Variants in GRB14 observed in about 807,000 individuals in gnomAD.
GRB14 encodes the protein growth factor receptor bound protein 14.
A neutral mutation model predicts 69.1 loss-of-function variants in GRB14; 38 were observed. The observed-to-expected ratio is 0.55, with a 90% CI of 0.42 to 0.72. The LOEUF (loss-of-function observed/expected upper bound fraction) is 0.72, where lower values mean the gene tolerates loss of function less well. Ranked by LOEUF, GRB14 falls within the 30% of genes least tolerant of loss-of-function variation. The pLI is 0.00. For missense variants in GRB14, 666 were observed against 666.1 expected (o/e 1.00, Z 0.00); for synonymous variants, 247 against 241.3 (o/e 1.02, Z -0.22).
At chr2:164,575,633 G>A (rs1322617314) in intron 2 of GRB14, among the ~76,000 whole-genome samples, 1 of 152,060 alleles carries the variant, frequency 6.6e-6, no homozygotes, top group East Asian at 1.9e-4. Context: ...AATCATAGGA[G>A]AATTCTAAGT....
chr2:164,518,117 G>T (rs183757801), intron 6 of GRB14, among the ~76,000 whole-genome samples: 2 of 151,984 alleles, frequency 1.3e-5, no homozygotes, highest in African/African-American at 4.8e-5. Context: ...CATATGATAC[G>T]CCACAAAACA....
At position 164,526,987 on chromosome 2, in the gene GRB14, G is replaced by A. The variant is rs117195547; in HGVS notation, c.603+27C>T. On this transcript the variant is annotated intron_variant, in intron 4 of 13. Coordinates refer to ENST00000263915, the MANE Select transcript of GRB14 (RefSeq NM_004490.3). ...AATTTAACGGGTTCATTTATTTTCC[G>A]TAACTATTAGGAGGGATTTCACTTA... is the stretch of plus-strand genomic sequence containing the variant. 72 of 1,497,150 alleles carry A rather than the reference G, an allele frequency of 4.8e-5. No individual in the cohort carries two copies. The East Asian group carries it at 1.4e-3, about 28-fold the overall frequency. The allele number at this position is 1,497,150 out of a possible 1,614,324, so 92.7% of individuals were successfully genotyped here. A position where few individuals can be genotyped will look rare whatever the true frequency, so the allele number is the denominator to read the frequency against.
chr2:164,557,491 A>G (rs1014537864), intron 2 of GRB14, among the ~76,000 whole-genome samples: 1 of 152,248 alleles, frequency 6.6e-6, no homozygotes, highest in Non-Finnish European at 1.5e-5. Flanking sequence ...TGGTAAGAGA[A>G]TCAGGATAAA....
chr2:164,600,596 TAG>T (rs1329639775), intron 2 of GRB14, among the ~76,000 whole-genome samples: 3 of 152,124 alleles, frequency 2.0e-5, no homozygotes, highest in Non-Finnish European at 4.4e-5. Flanking sequence ...CCTATGGAAA[TAG>T]AGTGTCCAAG....
chr2:164,559,690 G>T (rs1233964719), intron 2 of GRB14, among the ~76,000 whole-genome samples: 1 of 152,138 alleles, frequency 6.6e-6, no homozygotes, highest in Non-Finnish European at 1.5e-5. Context: ...CTCGTTGACT[G>T]ATGGGCATTT....
At chr2:164,561,916 T>C (rs903838241) in intron 2 of GRB14, among the ~76,000 whole-genome samples, 2 of 152,124 alleles carry the variant, frequency 1.3e-5, no homozygotes, top group African/African-American at 4.8e-5. Flanking sequence ...ATAAAGGTAA[T>C]GAAAAGGCCT....
At chr2:164,499,218 T>A (rs1186620389) in intron 9 of GRB14, among the ~76,000 whole-genome samples, 1 of 152,026 alleles carries the variant, frequency 6.6e-6, no homozygotes, top group Non-Finnish European at 1.5e-5. Flanking sequence ...AAGAAAAAAA[T>A]AATCAGCTGT....
intron 2 of GRB14, among the ~76,000 whole-genome samples, chr2:164,610,256 G>A (rs930902210): frequency 6.6e-6 from 1 of 152,112 alleles, no homozygotes; most frequent in Non-Finnish European, 1.5e-5. Context: ...CTTGCTCTGA[G>A]AGACTCATAC....
At chr2:164,515,714 A>T (rs541530932) in intron 6 of GRB14, among the ~76,000 whole-genome samples, 1 of 152,086 alleles carries the variant, frequency 6.6e-6, no homozygotes, top group Non-Finnish European at 1.5e-5. Flanking sequence ...CCAAGAAGAA[A>T]TCTATGAATT....
chr2:164,519,472 C>CG (rs1687579127), intron 6 of GRB14, among the ~76,000 whole-genome samples: 1 of 152,004 alleles, frequency 6.6e-6, no homozygotes, highest in African/African-American at 2.4e-5. Flanking sequence ...TCACTCTCAC[C>CG]GGTTCTATTC....
At chr2:164,591,621 C>T (rs1689666059) in intron 2 of GRB14, among the ~76,000 whole-genome samples, 1 of 152,156 alleles carries the variant, frequency 6.6e-6, no homozygotes, top group Non-Finnish European at 1.5e-5. Flanking sequence ...GGTCTGAGGG[C>T]CATTGGTTTC....
At chr2:164,596,072 C>T (rs1689775689) in intron 2 of GRB14, among the ~76,000 whole-genome samples, 1 of 152,076 alleles carries the variant, frequency 6.6e-6, no homozygotes, top group South Asian at 2.1e-4. Context: ...TGCAGCGAAC[C>T]GAGATTGCAC....
intron 2 of GRB14, among the ~76,000 whole-genome samples, chr2:164,561,313 T>A (rs569227384): frequency 6.6e-6 from 1 of 152,294 alleles, no homozygotes; most frequent in South Asian, 2.1e-4. Flanking sequence ...GCTGGCAAAC[T>A]GATAGCACTC....
chr2:164,580,202 C>G (rs1469502508), intron 2 of GRB14, among the ~76,000 whole-genome samples: 1 of 151,626 alleles, frequency 6.6e-6, no homozygotes, highest in East Asian at 2.0e-4. Flanking sequence ...TCAAGTGATT[C>G]TCCTGCCTCA....
Position 164,619,725 on chromosome 2 carries a change from C to T in GRB14, c.286G>A (p.Ala96Thr), listed in dbSNP as rs375035593. 1 of 1,595,298 alleles carries T rather than the reference C, an allele frequency of 6.3e-7. No individual in the cohort carries two copies. The highest frequency in any genetic ancestry group is 1.4e-5 in the African/African-American group (1 of 73,950). ...GAATTTGCTTTGGGAAATAGGTCTG[C>T]TGACAACACAGATGTAAATGGAGAA... is the stretch of plus-strand genomic sequence containing the variant. ...CCSPFTSVLS[A>T]DLFPKANSRK... Residue 96 changes from alanine (A) to threonine (T), a missense_variant, in exon 2 of 14, where the codon GCA becomes ACA. Transcript: ENST00000263915.
chr2:164,556,113 A>G (rs553444092), intron 2 of GRB14, among the ~76,000 whole-genome samples: 1 of 152,280 alleles, frequency 6.6e-6, no homozygotes, highest in South Asian at 2.1e-4. Flanking sequence ...TTCCCTTGAA[A>G]GAAAAGGAAT....
rs560965153 is a variant in GRB14 at position 164,518,889 on chromosome 2, C to CA, written c.816+3090dup. On this transcript the variant is annotated intron_variant, in intron 6 of 13. Transcript: ENST00000263915. ...AAATGGTAATAAAAGAAATGATCAACAAAAAAAAAGGTCCAGGACCAGATG... is the reference window on the plus strand; with the variant it reads ...AAATGGTAATAAAAGAAATGATCAACAAAAAAAAAAGGTCCAGGACCAGATG... Among the ~76,000 whole-genome samples, 34 of 149,598 alleles carry CA rather than the reference C, an allele frequency of 2.3e-4. No individual in the cohort carries two copies. In the South Asian group the frequency reaches 5.7e-3, roughly 25 times the overall value.
At position 164,619,756 on chromosome 2, in the gene GRB14, T is replaced by C; in HGVS notation, c.255A>G (p.Leu85=). 4 of 1,609,924 alleles carry C rather than the reference T, an allele frequency of 2.5e-6. No homozygotes were observed. The highest frequency in any genetic ancestry group is 1.1e-5 in the South Asian group (1 of 90,550). ...ACACAGATGTAAATGGAGAACAGCA[T>C]AGCTCAGGAAAAGGGTTTGGAATAG... ...MPSIPNPFPE[L]CCSPFTSVLS... Residue 85 remains leucine (L), a synonymous_variant, in exon 2 of 14, where the codon CTA becomes CTG. Transcript: ENST00000263915.
At chr2:164,520,121 A>T (rs1687600692) in intron 6 of GRB14, among the ~76,000 whole-genome samples, 1 of 152,198 alleles carries the variant, frequency 6.6e-6, no homozygotes, top group African/African-American at 2.4e-5. Flanking sequence ...CTATACTACA[A>T]GGCCATAGTC....
Sources: gnomAD v4.1 joint callset for allele counts (sites outside exome capture counted in the v4.1 genomes callset) on GRCh38, gnomAD v4.1.1 for gene constraint, MANE v1.5 for transcripts, NCBI Gene and HGNC (gene_info 2026-07-23, HGNC 2026-07-21) for gene names.